Variants in SEZ6L observed in about 807,000 individuals in gnomAD.
The protein encoded by SEZ6L is seizure related 6 homolog like.
A neutral mutation model predicts 106.2 loss-of-function variants in SEZ6L; 37 were observed. That is an observed-to-expected ratio of 0.35 (90% CI 0.27 to 0.46). The LOEUF is 0.46. SEZ6L is among the 20% of genes least tolerant of loss of function. The pLI is 1.00. For missense variants in SEZ6L, 1,172 were observed against 1,332.8 expected, an observed-to-expected ratio of 0.88 and a Z score of 1.88; for synonymous variants, 541 against 570.4, an observed-to-expected ratio of 0.95 and a Z score of 0.73.
intron 7 of SEZ6L, 88 bp downstream of exon 7, chr22:26,310,924 T>C (rs1195349560): frequency 7.5e-7 from 1 of 1,334,694 alleles, no homozygotes; most frequent in Non-Finnish European, 1.0e-6. Context: ...AAATCTGGGC[T>C]GCGAAGGATG....
chr22:26,282,164 C>T (rs2080792419), intron 1 of SEZ6L, among the ~76,000 whole-genome samples: 1 of 152,226 alleles, frequency 6.6e-6, no homozygotes, highest in African/African-American at 2.4e-5. Flanking sequence ...TCTGAAAGCT[C>T]TTGCCGTGTT....
Position 26,351,164 on chromosome 22 carries a change from T to G in SEZ6L, c.2520T>G (p.Leu840=). 6.2e-7 allele frequency: 1 copy of G among 1,614,224 alleles called. No individual in the cohort carries two copies. The highest frequency in any genetic ancestry group is 8.5e-7 in the Non-Finnish European group (1 of 1,180,040). Residue 840 remains leucine (L), a synonymous_variant, in exon 12 of 17, where the codon CTT becomes CTG. Coordinates refer to ENST00000248933, the MANE Select transcript of SEZ6L (RefSeq NM_021115.5). The part of the protein sequence containing the change: ...IQYTCNPGFV[L]EGSSLLTCYS... ...ACACCTGCAACCCCGGTTTTGTGCT[T>G]GAAGGGAGTTCTCTTCTGACCTGCT...
intron 3 of SEZ6L, among the ~76,000 whole-genome samples, 170 bp downstream of exon 3, chr22:26,294,595 T>C (rs137206): frequency 0.34 from 51,108 of 152,022 alleles, 9,194 homozygotes; most frequent in Non-Finnish European, 0.38. Context: ...AACTCAATGC[T>C]TTGCTAAAAT....
intron 1 of SEZ6L, among the ~76,000 whole-genome samples, chr22:26,230,333 AG>A (rs1357156602): frequency 2.6e-5 from 4 of 152,098 alleles, no homozygotes; most frequent in African/African-American, 9.6e-5. Flanking sequence ...AAAAAAAACA[AG>A]AAGAAGTTTC....
intron 1 of SEZ6L, among the ~76,000 whole-genome samples, chr22:26,204,097 C>A (rs937699346): frequency 1.5e-4 from 23 of 152,188 alleles, no homozygotes; most frequent in Non-Finnish European, 1.5e-4. Context: ...GGAAAGTACT[C>A]TTCCATTCCT....
At chr22:26,376,206 GA>G (rs35615266) in intron 15 of SEZ6L, among the ~76,000 whole-genome samples, 3,832 of 149,222 alleles carry the variant, frequency 0.026, 78 homozygotes, top group Middle Eastern at 0.041. Flanking sequence ...ATCATTTGTG[GA>G]AAAAAAAAAA....
intron 12 of SEZ6L, among the ~76,000 whole-genome samples, chr22:26,351,929 C>T (rs1237099389): frequency 2.6e-5 from 4 of 152,042 alleles, no homozygotes; most frequent in Non-Finnish European, 5.9e-5. Context: ...GAGGTCAAGG[C>T]AGGCAAACCA....
chr22:26,297,135 G>A (rs1259395806), intron 4 of SEZ6L, 55 bp downstream of exon 4: 4 of 1,436,740 alleles, frequency 2.8e-6, no homozygotes, highest in Non-Finnish European at 3.7e-6. Context: ...TTTCCCTCTG[G>A]AGAAAAGGAT....
At chr22:26,236,201 T>C (rs985387248) in intron 1 of SEZ6L, among the ~76,000 whole-genome samples, 13 of 152,214 alleles carry the variant, frequency 8.5e-5, no homozygotes, top group African/African-American at 2.9e-4. Context: ...TGAGCCCAAA[T>C]TGCCTTTGGA....
At chr22:26,255,043 G>A (rs1321853178) in intron 1 of SEZ6L, among the ~76,000 whole-genome samples, 1 of 152,186 alleles carries the variant, frequency 6.6e-6, no homozygotes, top group Admixed American at 6.5e-5. Flanking sequence ...GATACATTGT[G>A]CAGACCAGTT....
chr22:26,329,049 A>G (rs916739574), intron 9 of SEZ6L, among the ~76,000 whole-genome samples: 2 of 152,166 alleles, frequency 1.3e-5, no homozygotes, highest in Non-Finnish European at 2.9e-5. Flanking sequence ...TGCGGCCAGG[A>G]TTGAGAACCA....
At position 26,282,937 on chromosome 22, in the gene SEZ6L, T is replaced by C. The variant is rs529202808; in HGVS notation, c.95-9469T>C. Among the ~76,000 whole-genome samples the C allele has an allele frequency of 1.2e-4, 18 of 152,324 alleles. No individual in the cohort carries two copies. In the South Asian group the frequency reaches 3.5e-3, roughly 30 times the overall value. ...AATGAGCAATGCAATTTCTTTTTTTTTGAGTTGGAGTCTCTCCCTGTCGCC... is the reference window on the plus strand; with the variant it reads ...AATGAGCAATGCAATTTCTTTTTTTCTGAGTTGGAGTCTCTCCCTGTCGCC... On this transcript the variant is annotated intron_variant, in intron 1 of 16. Coordinates refer to ENST00000248933, the MANE Select transcript of SEZ6L (RefSeq NM_021115.5).
chr22:26,356,690 T>TG (rs1568938978), intron 12 of SEZ6L, among the ~76,000 whole-genome samples: 5 of 105,186 alleles, frequency 4.8e-5, no homozygotes, highest in Non-Finnish European at 1.1e-4. Flanking sequence ...ATAATAATAA[T>TG]AATGACAATT....
intron 2 of SEZ6L, among the ~76,000 whole-genome samples, chr22:26,293,885 G>T (rs973465008): frequency 6.6e-6 from 1 of 152,170 alleles, no homozygotes; most frequent in Non-Finnish European, 1.5e-5. Context: ...ACCCCCAATT[G>T]TCAAGCATAC....
rs187379371 is a variant in SEZ6L, at chr22:26,243,028, G to C, written c.95-49378G>C. 3.9e-5 allele frequency among the ~76,000 whole-genome samples: 6 copies of C among 152,260 alleles called. No individual in the cohort carries two copies. The East Asian group carries it at 5.8e-4, about 15-fold the overall frequency. ...TATCTTTGTTTCTGGTGTTTGCCTT[G>C]CAACCCTTGGTAGTCTCTGCTCTAC... On this transcript the variant is annotated intron_variant, in intron 1 of 16. Coordinates refer to ENST00000248933, the MANE Select transcript of SEZ6L (RefSeq NM_021115.5).
intron 9 of SEZ6L, among the ~76,000 whole-genome samples, chr22:26,329,138 G>A (rs2082405029): frequency 1.3e-5 from 2 of 152,156 alleles, no homozygotes; most frequent in Non-Finnish European, 2.9e-5. Context: ...GGAAGAGAGG[G>A]TGGAAGGAAA....
chr22:26,216,425 G>A (rs939579436), intron 1 of SEZ6L, among the ~76,000 whole-genome samples: 2 of 152,138 alleles, frequency 1.3e-5, no homozygotes, highest in African/African-American at 4.8e-5. Context: ...GGAGGCTGAG[G>A]CGGGAAGATC....
chr22:26,287,057 CTTT>C (rs71192909), intron 1 of SEZ6L, among the ~76,000 whole-genome samples: 10 of 141,500 alleles, frequency 7.1e-5, no homozygotes, highest in Non-Finnish European at 9.2e-5. Flanking sequence ...CGAGCTTGTG[CTTT>C]TTTTTTTTTT....
intron 1 of SEZ6L, among the ~76,000 whole-genome samples, chr22:26,197,607 T>C (rs1177894503): frequency 6.6e-6 from 1 of 152,148 alleles, no homozygotes. Flanking sequence ...GACTCAACAA[T>C]GTTGATTGAC....
Sources: gnomAD v4.1 joint callset for allele counts (sites outside exome capture counted in the v4.1 genomes callset) on GRCh38, gnomAD v4.1.1 for gene constraint, MANE v1.5 for transcripts, NCBI Gene and HGNC (gene_info 2026-07-23, HGNC 2026-07-21) for gene names.